The following MSRA variants were observed in gnomAD, a reference collection of about 807,000 sequenced individuals.
MSRA encodes the protein mitochondrial peptide methionine sulfoxide reductase.
Under a neutral mutation model 31.3 loss-of-function variants are expected in MSRA, and 54 were observed. The observed-to-expected ratio is 1.73, with a 90% CI of 1.39 to 2.17. The LOEUF is 2.17. Ranked by LOEUF, MSRA falls within the 30% of genes most tolerant of loss-of-function variation. MSRA has a pLI of 0.00. For synonymous variants in MSRA, 169 were observed against 116.5 expected, an observed-to-expected ratio of 1.45 and a Z score of -2.90; for missense variants, 507 against 300.9, an observed-to-expected ratio of 1.69 and a Z score of -5.07.
chr8:10,304,607 G>A (rs982948350), intron 4 of MSRA, among the ~76,000 whole-genome samples: 1 of 152,176 alleles, frequency 6.6e-6, no homozygotes, highest in Non-Finnish European at 1.5e-5. Flanking sequence ...TCGAAGGATG[G>A]ACCAGAGGCA....
At chr8:10,084,745 T>G (rs1395527998) in intron 1 of MSRA, among the ~76,000 whole-genome samples, 2 of 152,200 alleles carry the variant, frequency 1.3e-5, no homozygotes, top group African/African-American at 4.8e-5. Flanking sequence ...CTATAGTAAG[T>G]GCTAAATAAA....
intron 3 of MSRA, among the ~76,000 whole-genome samples, chr8:10,290,735 C>T (rs1800189046): frequency 1.3e-5 from 2 of 152,190 alleles, no homozygotes; most frequent in African/African-American, 4.8e-5. Flanking sequence ...TCTTTTTAAA[C>T]TTGGTGGTAT....
rs112658566 is a variant in MSRA, at chr8:10,349,992, G to C, written c.543+30003G>C. 3.3e-4 allele frequency among the ~76,000 whole-genome samples: 51 copies of C among 152,376 alleles called. 1 individual carries two copies. Among genetic ancestry groups the C allele is most frequent in the African/African-American group, 1.2e-3 (50 of 41,596 alleles). ...TGCCTTCCAGCTACCGCTGAAGCTT[G>C]TGGCTTGGTTAAACAGGCCTCCCTG... is the stretch of plus-strand genomic sequence containing the variant. On this transcript the variant is annotated intron_variant, in intron 5 of 5. Coordinates refer to ENST00000317173, the MANE Select transcript of MSRA (RefSeq NM_012331.5).
rs113709694 is a variant in MSRA, at chr8:10,185,721, G to C, written c.143-22112G>C. On this transcript the variant is annotated intron_variant, in intron 1 of 5. Coordinates refer to ENST00000317173, the MANE Select transcript of MSRA (RefSeq NM_012331.5). ...CTGTGACGCTTTTTGTGGAATCCTG[G>C]ATGAGGCCTGAACTGACCATTCACT... Among the ~76,000 whole-genome samples, 927 of 152,242 alleles carry C rather than the reference G, an allele frequency of 6.1e-3. 14 individuals carry two copies. Among genetic ancestry groups the C allele is most frequent in the African/African-American group, 0.021 (868 of 41,546 alleles).
chr8:10,312,117 A>G (rs1326945836), intron 4 of MSRA, among the ~76,000 whole-genome samples: 1 of 152,212 alleles, frequency 6.6e-6, no homozygotes, highest in Non-Finnish European at 1.5e-5. Flanking sequence ...CATCTCAAGA[A>G]CTTAGAAAAT....
At chr8:10,213,672 G>C (rs1251442559) in intron 2 of MSRA, among the ~76,000 whole-genome samples, 1 of 151,838 alleles carries the variant, frequency 6.6e-6, no homozygotes, top group East Asian at 1.9e-4. Flanking sequence ...TCCTGACCTC[G>C]TGATCTGCCT....
chr8:10,250,450 G>C (rs1272302923), intron 3 of MSRA: 2 of 702,382 alleles, frequency 2.8e-6, no homozygotes, highest in East Asian at 2.7e-5. Flanking sequence ...ATGTTTATTA[G>C]TCTATTCAAA....
chr8:10,092,031 T>C (rs1798883866), intron 1 of MSRA, among the ~76,000 whole-genome samples: 1 of 152,216 alleles, frequency 6.6e-6, no homozygotes, highest in Non-Finnish European at 1.5e-5. Flanking sequence ...ATACTTGTTT[T>C]TGTTGATCTT....
At chr8:10,159,918 TGTTAA>T (rs752110210) in intron 1 of MSRA, among the ~76,000 whole-genome samples, 3 of 152,240 alleles carry the variant, frequency 2.0e-5, no homozygotes, top group Non-Finnish European at 4.4e-5. Context: ...GAATTTTGTC[TGTTAA>T]GTTAGGAAGA....
intron 2 of MSRA, among the ~76,000 whole-genome samples, chr8:10,233,122 T>C (rs1386060740): frequency 6.6e-6 from 1 of 152,238 alleles, no homozygotes; most frequent in African/African-American, 2.4e-5. Context: ...ACAATTCAGA[T>C]ATATCCCGGA....
At chr8:10,302,599 C>T (rs1390245428) in intron 4 of MSRA, among the ~76,000 whole-genome samples, 1 of 152,184 alleles carries the variant, frequency 6.6e-6, no homozygotes, top group African/African-American at 2.4e-5. Flanking sequence ...AGTGCTGGTT[C>T]TAAGAACCAT....
chr8:10,150,588 A>T (rs143843931), intron 1 of MSRA, among the ~76,000 whole-genome samples: 2,981 of 152,252 alleles, frequency 0.02, 40 homozygotes, highest in Non-Finnish European at 0.029. Flanking sequence ...CCTCAAATCT[A>T]CAGAAACAAA....
intron 1 of MSRA, among the ~76,000 whole-genome samples, chr8:10,170,282 C>G (rs190165883): frequency 6.6e-5 from 10 of 151,970 alleles, no homozygotes; most frequent in Admixed American, 3.9e-4. Context: ...AGTGGGGCCT[C>G]GGGAGATGAT....
intron 1 of MSRA, among the ~76,000 whole-genome samples, chr8:10,090,239 T>C (rs902423223): frequency 3.9e-5 from 6 of 152,118 alleles, no homozygotes; most frequent in Non-Finnish European, 4.4e-5. Flanking sequence ...TGGGAGGGCC[T>C]AGCAGTCCAG....
At chr8:10,264,810 G>T (rs1160847393) in intron 3 of MSRA, among the ~76,000 whole-genome samples, 1 of 152,178 alleles carries the variant, frequency 6.6e-6, no homozygotes, top group African/African-American at 2.4e-5. Flanking sequence ...CAATGCGGAG[G>T]GCACTGGAAA....
At chr8:10,254,006 T>C (rs1162702065) in intron 3 of MSRA, among the ~76,000 whole-genome samples, 1 of 152,106 alleles carries the variant, frequency 6.6e-6, no homozygotes, top group Admixed American at 6.5e-5. Context: ...AAGAGGTCAC[T>C]GTTGTTTCCT....
chr8:10,224,059 G>A (rs114687156), intron 2 of MSRA, among the ~76,000 whole-genome samples: 5,561 of 152,246 alleles, frequency 0.037, 337 homozygotes, highest in African/African-American at 0.13. Context: ...AATGGAGATA[G>A]TGATATCTCT....
At chr8:10,225,742 C>T (rs1810944567) in intron 2 of MSRA, among the ~76,000 whole-genome samples, 1 of 152,062 alleles carries the variant, frequency 6.6e-6, no homozygotes, top group Non-Finnish European at 1.5e-5. Flanking sequence ...TCTGGGTACT[C>T]GTTGGATGAG....
intron 2 of MSRA, among the ~76,000 whole-genome samples, chr8:10,211,055 G>A (rs1263412246): frequency 2.0e-5 from 3 of 152,182 alleles, no homozygotes; most frequent in Middle Eastern, 6.8e-3. Flanking sequence ...TTATCTGTTG[G>A]TTAATCATTT....
Sources: allele counts gnomAD v4.1 joint callset (sites outside exome capture counted in the v4.1 genomes callset), GRCh38; gene constraint gnomAD v4.1.1; transcripts MANE v1.5; gene names NCBI Gene and HGNC (gene_info 2026-07-23, HGNC 2026-07-21).